The following ACOT1 variants were observed in gnomAD, a reference collection of about 807,000 sequenced individuals.
The protein encoded by ACOT1 is acyl-coenzyme A thioesterase 1.
Under a neutral mutation model 15.7 loss-of-function variants are expected in ACOT1, and 8 were observed. That is an observed-to-expected ratio of 0.51 (90% confidence interval 0.30 to 0.92). The LOEUF is 0.92. Among genes scored for constraint, ACOT1 ranks in the 40% least tolerant of loss-of-function variants. ACOT1 has a pLI of 0.06. For missense variants in ACOT1, 151 were observed against 539.4 expected, an observed-to-expected ratio of 0.28 and a Z score of 7.13; for synonymous variants, 67 against 241.2, an observed-to-expected ratio of 0.28 and a Z score of 6.69.
At chr14:73,495,915 G>A in the ACOT1 span, among the ~76,000 whole-genome samples, 1 of 152,126 alleles carries the variant, frequency 6.6e-6, no homozygotes, top group African/African-American at 2.4e-5. Flanking sequence ...ATCACTTGAG[G>A]CCAGGAGTTC....
In ACOT1 at chr14:73,537,355, T is replaced by C. The variant is rs1162038127; in HGVS notation, c.-67T>C. ...TGCGACGGCAGCCCGAGAGGAAGAGTTGGGCAGAGTTGCAGGGGTCTCCAC... is the reference window on the plus strand; with the variant it reads ...TGCGACGGCAGCCCGAGAGGAAGAGCTGGGCAGAGTTGCAGGGGTCTCCAC... On this transcript the variant is annotated 5_prime_UTR_variant, in exon 1 of 3. Coordinates refer to ENST00000311148, the MANE Select transcript of ACOT1 (RefSeq NM_001037161.2). 2.0e-4 allele frequency: 241 copies of C among 1,181,174 alleles called. 70 individuals are homozygous for C. The highest frequency in any genetic ancestry group is 2.6e-4 in the Non-Finnish European group (234 of 888,446). 73.2% of individuals were successfully genotyped at this position (1,181,174 alleles called of 1,614,324 possible). A position where few individuals can be genotyped will look rare whatever the true frequency, so the allele number is the denominator to read the frequency against.
chr14:73,492,233 C>A, the ACOT1 span: 12 of 1,614,036 alleles, frequency 7.4e-6, no homozygotes, highest in Non-Finnish European at 1.0e-5. This position sits in a 1 kb window ranked among gnomAD's most constrained non-coding sequence, Gnocchi z 4.9. Flanking sequence ...CTTCATTCAC[C>A]AAGCTGAATG....
chr14:73,493,931 A>G, the ACOT1 span, among the ~76,000 whole-genome samples: 1 of 152,256 alleles, frequency 6.6e-6, no homozygotes, highest in Non-Finnish European at 1.5e-5. Context: ...ATGCAACCCA[A>G]TTCTAGTAGA....
the ACOT1 span, chr14:73,492,363 A>T: frequency 1.2e-6 from 2 of 1,613,794 alleles, no homozygotes; most frequent in East Asian, 4.5e-5. This position sits in a 1 kb window ranked among gnomAD's most constrained non-coding sequence, Gnocchi z 4.9. Flanking sequence ...GAAAATGTGG[A>T]GTTTCGGAGG....
At chr14:73,514,022 TTCAC>T in the ACOT1 span, 16 of 1,613,658 alleles carry the variant, frequency 9.9e-6, no homozygotes, top group Non-Finnish European at 1.4e-5. Context: ...AGGACCTCCC[TTCAC>T]TCACTCAGAG....
At chr14:73,500,061 T>C in the ACOT1 span, among the ~76,000 whole-genome samples, 27,316 of 151,856 alleles carry the variant, frequency 0.18, 2,775 homozygotes, top group Non-Finnish European at 0.22. Flanking sequence ...AACCCCATCT[T>C]TACTAAAAAC....
the ACOT1 span, among the ~76,000 whole-genome samples, chr14:73,516,147 CAAAAAAA>C: frequency 2.2e-3 from 20 of 9,156 alleles, 3 homozygotes; most frequent in Non-Finnish European, 2.5e-3. Flanking sequence ...CAACAGTCAT[CAAAAAAA>C]AAAAAAAAAA....
chr14:73,518,954 T>TG, the ACOT1 span: 2 of 1,480,808 alleles, frequency 1.4e-6, no homozygotes, highest in East Asian at 2.3e-5. Flanking sequence ...ACATGAATAG[T>TG]GGGTAATGAT....
the ACOT1 span, among the ~76,000 whole-genome samples, chr14:73,526,719 A>T: frequency 5.7e-4 from 87 of 152,336 alleles, no homozygotes; most frequent in African/African-American, 1.9e-3. Flanking sequence ...CTGATGGGTC[A>T]GATTTATCCT....
At chr14:73,525,953 T>TA in the ACOT1 span, among the ~76,000 whole-genome samples, 6,007 of 144,586 alleles carry the variant, frequency 0.042, 156 homozygotes, top group Middle Eastern at 0.085. Flanking sequence ...ACTCCTTATT[T>TA]AAAAAAAAAA....
At chr14:73,508,751 C>CAAAA in the ACOT1 span, among the ~76,000 whole-genome samples, 308 of 57,840 alleles carry the variant, frequency 5.3e-3, 9 homozygotes, top group East Asian at 0.037. Flanking sequence ...AACTCTGTCT[C>CAAAA]AAAAAAAAAA....
the ACOT1 span, among the ~76,000 whole-genome samples, chr14:73,517,971 A>C: frequency 4.4e-4 from 67 of 152,312 alleles, no homozygotes; most frequent in African/African-American, 1.5e-3. Flanking sequence ...CTGTAGTCCC[A>C]GCTACTCGTG....
Position 73,543,729 on chromosome 14 carries a change from T to G in ACOT1, c.*74T>G, listed in dbSNP as rs1274091929. On this transcript the variant is annotated 3_prime_UTR_variant, in exon 3 of 3. Transcript: ENST00000311148. ...ATCTGCCACATTTAGTGTGTGTATG[T>G]GTATTCATTCTTTCTCATAACTTCT... 5 of 741,760 alleles carry G rather than the reference T, an allele frequency of 6.7e-6. 1 individual carries two copies. The highest frequency in any genetic ancestry group is 6.7e-5 in the African/African-American group (4 of 60,120). 45.9% of individuals were successfully genotyped at this position (741,760 alleles called of 1,614,324 possible).
the ACOT1 span, among the ~76,000 whole-genome samples, chr14:73,526,926 C>G: frequency 6.6e-6 from 1 of 152,198 alleles, no homozygotes; most frequent in Admixed American, 6.5e-5. Flanking sequence ...CAACTCCAGA[C>G]AGCCCAGTGG....
chr14:73,506,827 T>TTTTTTTTTTTTTTTTTTTTTTGG, the ACOT1 span, among the ~76,000 whole-genome samples: 1 of 122,966 alleles, frequency 8.1e-6, no homozygotes, highest in African/African-American at 3.3e-5. Flanking sequence ...TTTTTTTTTC[T>TTTTTTTTTTTTTTTTTTTTTTGG]GAGAAGGTTG....
At chr14:73,522,922 C>T in the ACOT1 span, 32 of 1,614,076 alleles carry the variant, frequency 2.0e-5, no homozygotes, top group Non-Finnish European at 2.6e-5. Context: ...GCTGCCACAC[C>T]ACCTCCTGAG....
chr14:73,516,872 T>C, the ACOT1 span, among the ~76,000 whole-genome samples: 1 of 152,216 alleles, frequency 6.6e-6, no homozygotes, highest in African/African-American at 2.4e-5. Context: ...TGGAACCATT[T>C]CATCCTCAAA....
chr14:73,495,329 AC>A, the ACOT1 span: 2 of 1,613,808 alleles, frequency 1.2e-6, no homozygotes, highest in African/African-American at 1.3e-5. Flanking sequence ...TTTTCCCATG[AC>A]CATCTCCAGC....
chr14:73,505,375 C>A, the ACOT1 span, among the ~76,000 whole-genome samples: 1 of 151,702 alleles, frequency 6.6e-6, no homozygotes, highest in African/African-American at 2.4e-5. Context: ...AAAGTTGGGA[C>A]AATGGTTTTT....
Sources: allele counts gnomAD v4.1 joint callset (sites outside exome capture counted in the v4.1 genomes callset), GRCh38; gene constraint gnomAD v4.1.1; non-coding constraint Gnocchi (gnomAD v3.1); transcripts MANE v1.5; gene names NCBI Gene and HGNC (gene_info 2026-07-23, HGNC 2026-07-21).